The following TTC23 variants were observed in gnomAD, a reference collection of about 807,000 sequenced individuals.
TTC23 encodes tetratricopeptide repeat protein 23.
Under a neutral mutation model 55.1 loss-of-function variants are expected in TTC23, and 58 were observed. That is an observed-to-expected ratio of 1.05 (90% CI 0.85 to 1.31). The LOEUF (loss-of-function observed/expected upper bound fraction) is 1.31. TTC23 is among the 50% of genes most tolerant of loss of function. The pLI is 0.00. For synonymous variants in TTC23, 203 were observed against 199.9 expected (o/e 1.02, Z -0.13); for missense variants, 516 against 534.4 (o/e 0.97, Z 0.34).
intron 8 of TTC23, among the ~76,000 whole-genome samples, chr15:99,201,114 G>A (rs2076162807): frequency 6.6e-6 from 1 of 152,130 alleles, no homozygotes; most frequent in African/African-American, 2.4e-5. Context: ...TACATTTCAT[G>A]TTTGTGCTTT....
intron 12 of TTC23, among the ~76,000 whole-genome samples, chr15:99,152,900 C>T (rs1346960908): frequency 3.3e-5 from 5 of 152,118 alleles, no homozygotes; most frequent in South Asian, 2.1e-4. Context: ...TAGGTTCAAG[C>T]GATCCTCCCA....
At chr15:99,197,668 G>A (rs970672275) in intron 9 of TTC23, among the ~76,000 whole-genome samples, 1 of 151,984 alleles carries the variant, frequency 6.6e-6, no homozygotes, top group African/African-American at 2.4e-5. Context: ...CACTTTGGGA[G>A]TCCAAGGTGG....
chr15:99,160,557 T>TA (rs2071220442), intron 11 of TTC23: 1 of 152,208 alleles, frequency 6.6e-6, no homozygotes, highest in South Asian at 2.1e-4. Flanking sequence ...CACCATTTTG[T>TA]ACAAGGGCTT....
intron 11 of TTC23, chr15:99,159,228 C>G (rs1486246284): frequency 6.6e-6 from 1 of 152,276 alleles, no homozygotes; most frequent in Non-Finnish European, 1.5e-5. Flanking sequence ...GGTGGGAAGC[C>G]AGGCAGTACA....
At chr15:99,210,072 T>TTATTATATG (rs1382580504) in intron 8 of TTC23, among the ~76,000 whole-genome samples, 1 of 152,090 alleles carries the variant, frequency 6.6e-6, no homozygotes, top group Admixed American at 6.6e-5. Context: ...TTGATATATA[T>TTATTATATG]TATTATATGT....
chr15:99,207,486 C>T (rs528029572), intron 8 of TTC23, among the ~76,000 whole-genome samples: 16 of 152,278 alleles, frequency 1.1e-4, no homozygotes, highest in African/African-American at 3.6e-4. Flanking sequence ...GGGCCAGGTG[C>T]GGTAGCTCAT....
chr15:99,139,805 A>G lies in TTC23; in HGVS notation c.1144-406T>C, dbSNP rs1368913394. ...TGTAAACACATACTCTACTTTTATTAATATATAGGCTGTCTATACTCTTGA... is the reference window on the plus strand; with the variant it reads ...TGTAAACACATACTCTACTTTTATTGATATATAGGCTGTCTATACTCTTGA... On this transcript the variant is annotated intron_variant, in intron 12 of 13. Coordinates refer to ENST00000394132, the MANE Select transcript of TTC23 (RefSeq NM_001288615.3). The G allele has an allele frequency of 5.8e-6, 7 of 1,216,112 alleles. No individual in the cohort carries two copies. The East Asian group carries it at 4.0e-4, about 69-fold the overall frequency. The allele number at this position is 1,216,112 out of a possible 1,614,324, so 75.3% of individuals were successfully genotyped here. A position where few individuals can be genotyped will look rare whatever the true frequency, so the allele number is the denominator to read the frequency against.
intron 9 of TTC23, among the ~76,000 whole-genome samples, chr15:99,178,874 G>C (rs1244286935): frequency 1.3e-5 from 2 of 152,210 alleles, no homozygotes; most frequent in Non-Finnish European, 2.9e-5. Context: ...AAGGTGCTGG[G>C]GGCATTTGCT....
At chr15:99,218,520 T>C in intron 8 of TTC23, 68 bp downstream of exon 8, 1 of 1,602,830 alleles carries the variant, frequency 6.2e-7, no homozygotes, top group Non-Finnish European at 8.5e-7. Flanking sequence ...TCCTCCTACC[T>C]GAGACAGATT....
intron 2 of TTC23, among the ~76,000 whole-genome samples, chr15:99,242,182 T>C (rs1223951): frequency 0.81 from 121,414 of 150,742 alleles, 49,203 homozygotes; most frequent in African/African-American, 0.9. Flanking sequence ...ACTAGTTTCT[T>C]AACTAGTGAA....
intron 9 of TTC23, among the ~76,000 whole-genome samples, chr15:99,184,725 T>A (rs1423574909): frequency 6.6e-6 from 1 of 152,170 alleles, no homozygotes; most frequent in African/African-American, 2.4e-5. Flanking sequence ...AACGTTGGAA[T>A]GAGTTAAGAC....
Position 99,221,906 on chromosome 15 carries a change from A to G in TTC23, c.181-42T>C, listed in dbSNP as rs769052191. On this transcript the variant is annotated intron_variant, in intron 5 of 13. Transcript: ENST00000394132. The stretch of plus-strand genomic sequence containing the variant: ...ACAGGCTTACCAGTTATACAACTTA[A>G]GAGTCACAAAACACAAAATCAATGC... 2.5e-6 allele frequency: 4 copies of G among 1,604,784 alleles called. No individual in the cohort carries two copies. The African/African-American group carries it at 5.4e-5, about 21-fold the overall frequency.
chr15:99,196,103 G>A (rs550629047), intron 9 of TTC23, among the ~76,000 whole-genome samples: 39 of 148,396 alleles, frequency 2.6e-4, no homozygotes, highest in African/African-American at 7.2e-4. Context: ...AGTGAGCCAA[G>A]ATCGCACCAC....
Position 99,137,889 on chromosome 15 carries a change from C to G in TTC23, c.*121G>C. 6 of 1,495,096 alleles carry G rather than the reference C, an allele frequency of 4.0e-6. No homozygotes were observed. The South Asian group carries it at 6.5e-5, about 16-fold the overall frequency. 92.6% of individuals were successfully genotyped at this position (1,495,096 alleles called of 1,614,324 possible). A position where few individuals can be genotyped will look rare whatever the true frequency, so the allele number is the denominator to read the frequency against. ...TCTCACTGTTGCATGTTGGGGCCAA[C>G]AGTTGGCCTTGGAAATCTGTATCCT... On this transcript the variant is annotated 3_prime_UTR_variant, in exon 14 of 14. Coordinates refer to ENST00000394132, the MANE Select transcript of TTC23 (RefSeq NM_001288615.3).
intron 1 of TTC23, among the ~76,000 whole-genome samples, chr15:99,247,910 A>T (rs186952985): frequency 6.6e-6 from 1 of 152,290 alleles, no homozygotes; most frequent in East Asian, 1.9e-4. Context: ...AGACAAATGA[A>T]CTTTATAATA....
intron 5 of TTC23, 128 bp from the exon 6 acceptor site, chr15:99,221,992 A>C (rs959129714): frequency 2.8e-6 from 3 of 1,054,322 alleles, no homozygotes; most frequent in Non-Finnish European, 4.0e-6. Context: ...TGTTCTAAGC[A>C]CTTGAGATGT....
In TTC23 at chr15:99,159,424, A is replaced by C. The variant is rs115530462; in HGVS notation, c.993+2316T>G. ...TATATACTTACAAATATTTGATGAC[A>C]TCAAATGGATTCTCTAAGGAAGAAT... On this transcript the variant is annotated intron_variant, in intron 11 of 13. Coordinates refer to ENST00000394132, the MANE Select transcript of TTC23 (RefSeq NM_001288615.3). 1,342 of 152,374 alleles carry C rather than the reference A, an allele frequency of 8.8e-3. 20 individuals are homozygous for C. The highest frequency in any genetic ancestry group is 0.031 in the African/African-American group (1,297 of 41,580). 9.4% of individuals were successfully genotyped at this position (152,374 alleles called of 1,614,324 possible).
chr15:99,196,151 C>CAAA, intron 9 of TTC23, among the ~76,000 whole-genome samples: 1 of 58,932 alleles, frequency 1.7e-5, no homozygotes, highest in Admixed American at 1.9e-4. Flanking sequence ...GACTCTGTCT[C>CAAA]AAAAAAAAAA....
At chr15:99,174,796 AC>A (rs1235254444) in intron 10 of TTC23, among the ~76,000 whole-genome samples, 2 of 152,228 alleles carry the variant, frequency 1.3e-5, no homozygotes, top group Non-Finnish European at 2.9e-5. Context: ...GGGGCTCTTA[AC>A]AGCTAACATT....
Sources: allele counts gnomAD v4.1 joint callset (sites outside exome capture counted in the v4.1 genomes callset), GRCh38; gene constraint gnomAD v4.1.1; transcripts MANE v1.5; gene names NCBI Gene and HGNC (gene_info 2026-07-23, HGNC 2026-07-21).